Variants in PIEZO1 observed in about 807,000 individuals in gnomAD.
The protein encoded by PIEZO1 is piezo type mechanosensitive ion channel component 1 (Er blood group).
In PIEZO1, 296 loss-of-function variants were observed where a neutral mutation model predicts 297.2. The observed-to-expected ratio is 1.00, with a 90% CI of 0.91 to 1.10. The LOEUF is 1.10. Ranked by LOEUF, PIEZO1 falls within the 50% of genes least tolerant of loss-of-function variation. The pLI, the probability that PIEZO1 is intolerant of heterozygous loss-of-function variation, is 0.00. For synonymous variants in PIEZO1, 2,427 were observed against 1,507.5 expected, an observed-to-expected ratio of 1.61 and a Z score of -14.13; for missense variants, 5,018 against 3,455.5, an observed-to-expected ratio of 1.45 and a Z score of -11.34.
intron 1 of PIEZO1, among the ~76,000 whole-genome samples, chr16:88,757,272 G>A (rs560649874): frequency 1.0e-4 from 15 of 144,752 alleles, no homozygotes; most frequent in East Asian, 4.5e-4. Context: ...AGCTGGCAGC[G>A]CAGCAGCACC....
chr16:88,734,924 T>G lies in PIEZO1; in HGVS notation c.1799A>C (p.Tyr600Ser), dbSNP rs2142820608. ...VVSFAGRLVVYKIVYMFLFLL... is the reference protein window; with the variant it reads ...VVSFAGRLVVSKIVYMFLFLL... ...GAAGAGGAACATGTAGACAATCTTGTAGACCACGAGGCGGCCGGCGAAGCT... is the reference window on the plus strand; with the variant it reads ...GAAGAGGAACATGTAGACAATCTTGGAGACCACGAGGCGGCCGGCGAAGCT... Residue 600 changes from tyrosine (Y) to serine (S), a missense_variant, in exon 14 of 51, where the codon TAC becomes TCC. Tyr to Ser is a moderately radical substitution (Grantham distance 144, BLOSUM62 -2). Transcript: ENST00000301015. 1 of 1,550,402 alleles carries G rather than the reference T, an allele frequency of 6.4e-7. No homozygotes were observed. Among genetic ancestry groups the G allele is most frequent in the Non-Finnish European group, 8.7e-7 (1 of 1,146,964 alleles).
intron 23 of PIEZO1, 48 bp from the exon 24 acceptor site, chr16:88,727,240 G>C: frequency 6.7e-7 from 1 of 1,484,638 alleles, no homozygotes. Flanking sequence ...ACCCACACGA[G>C]GTGGGCACGG....
rs1265455404 is a variant in PIEZO1, at chr16:88,717,136, G to C, written c.6547C>G (p.Leu2183Val). 9 of 1,551,252 alleles carry C rather than the reference G, an allele frequency of 5.8e-6. No homozygotes were observed. Among genetic ancestry groups the C allele is most frequent in the Non-Finnish European group, 7.8e-6 (9 of 1,147,196 alleles). Reference protein sequence around the residue: ...YGMGGLIILFLIAIIWFPLLF... With the variant: ...YGMGGLIILFVIAIIWFPLLF... ...AGTGGGAACCAGATGATGGCGATGA[G>C]GAAGAGGATGATGAGGCCACCCATG... Residue 2183 changes from leucine to valine, a missense_variant, in exon 45 of 51, where the codon CTC (leucine) becomes GTC (valine). Coordinates refer to ENST00000301015, the MANE Select transcript of PIEZO1 (RefSeq NM_001142864.4).
chr16:88,716,392 T>C lies in PIEZO1; in HGVS notation c.7018A>G (p.Ser2340Gly). Residue 2340 changes from serine to glycine, a missense_variant, in exon 48 of 51, where the codon AGC (serine) becomes GGC (glycine). By Grantham distance (56) the Ser-to-Gly change is moderately conservative. Coordinates refer to ENST00000301015, the MANE Select transcript of PIEZO1 (RefSeq NM_001142864.4). ...PNSTARRQLA[S>G]LLEGTSDQSV... Reference sequence around the variant, plus strand: ...TGGTCCGAGGTGCCCTCGAGCAGGCTGGCCAGCTGCCGCCGTGCAGTGCTG... The same window carrying C: ...TGGTCCGAGGTGCCCTCGAGCAGGCCGGCCAGCTGCCGCCGTGCAGTGCTG... 2 of 1,548,024 alleles carry C rather than the reference T, an allele frequency of 1.3e-6. No homozygotes were observed. Among genetic ancestry groups the C allele is most frequent in the Admixed American group, 3.9e-5 (2 of 50,788 alleles).
chr16:88,762,550 C>T (rs771894173), intron 1 of PIEZO1, among the ~76,000 whole-genome samples: 8 of 152,248 alleles, frequency 5.3e-5, no homozygotes, highest in Non-Finnish European at 8.8e-5. Context: ...CCAACCCTGA[C>T]TGCCAAGGGT....
Position 88,721,706 on chromosome 16 carries a change from G to A in PIEZO1, c.5235C>T (p.Tyr1745=), listed in dbSNP as rs888859251. 3 of 1,545,934 alleles carry A rather than the reference G, an allele frequency of 1.9e-6. No homozygotes were observed. Among genetic ancestry groups the A allele is most frequent in the Non-Finnish European group, 2.6e-6 (3 of 1,145,108 alleles). The stretch of plus-strand genomic sequence containing the variant: ...AGGGGAAGAACCCAAACTGGAACAG[G>A]TACTTGACGACCACCGCGATCTGTG... ...VFTEIAVVVK[Y]LFQFGFFPWN... Residue 1745 remains tyrosine, a synonymous_variant, in exon 38 of 51, where the codon TAC becomes TAT. Transcript: ENST00000301015.
rs531840770 is a variant in PIEZO1, at chr16:88,731,892, C to T, written c.3010G>A (p.Val1004Met). ...TTCATGCGCTGCCCGATCACGTTCA[C>T]GGCCATCAGGAAGCAGATCTGGGGA... is the stretch of plus-strand genomic sequence containing the variant. Reference protein sequence around the residue: ...FGLEICFLMAVNVIGQRMNFL... With the variant: ...FGLEICFLMAMNVIGQRMNFL... Residue 1004 changes from valine (V) to methionine (M), a missense_variant, in exon 22 of 51, where the codon GTG (valine) becomes ATG (methionine). By Grantham distance (21) the Val-to-Met change is conservative. Coordinates refer to ENST00000301015, the MANE Select transcript of PIEZO1 (RefSeq NM_001142864.4). 245 of 402,078 alleles carry T rather than the reference C, an allele frequency of 6.1e-4. 2 individuals are homozygous for T. The South Asian group carries it at 7.3e-3, about 12-fold the overall frequency. 24.9% of individuals were successfully genotyped at this position (402,078 alleles called of 1,614,324 possible). A position where few individuals can be genotyped will look rare whatever the true frequency, so the allele number is the denominator to read the frequency against.
intron 19 of PIEZO1, chr16:88,733,066 C>T (rs1597456255): frequency 3.4e-6 from 2 of 595,776 alleles, no homozygotes; most frequent in South Asian, 2.1e-5. Flanking sequence ...TCCGCCCCTA[C>T]TGGACACCCT....
rs1228557570 is a variant in PIEZO1 at position 88,721,694 on chromosome 16, A to C, written c.5247T>G (p.Phe1749Leu). ...IAVVVKYLFQFGFFPWNSHVV... is the reference protein window; with the variant it reads ...IAVVVKYLFQLGFFPWNSHVV... ...CGTGGCTGTTCCAGGGGAAGAACCCAAACTGGAACAGGTACTTGACGACCA... is the reference window on the plus strand; with the variant it reads ...CGTGGCTGTTCCAGGGGAAGAACCCCAACTGGAACAGGTACTTGACGACCA... The change falls in exon 38 of 51, where the codon TTT becomes TTG. Residue 1749 changes from phenylalanine to leucine, a missense_variant. Transcript: ENST00000301015. 1.0e-5 allele frequency: 16 copies of C among 1,548,826 alleles called. No homozygotes were observed. Among genetic ancestry groups the C allele is most frequent in the Admixed American group, 2.0e-5 (1 of 50,958 alleles).
chr16:88,757,969 A>C (rs113403308), intron 1 of PIEZO1, among the ~76,000 whole-genome samples: 9,667 of 152,114 alleles, frequency 0.064, 380 homozygotes, highest in Middle Eastern at 0.099. Context: ...GCCTGGCTGG[A>C]CACCCCTCCG....
At position 88,716,809 on chromosome 16, in the gene PIEZO1, C is replaced by T. The variant is rs1190241831; in HGVS notation, c.6750G>A (p.Gln2250=). ...YEELSRQFDP[Q]PLAMQFISQY... ...TCACAGGGCAGAGGCCACTTACCGG[C>T]TGGGGGTCAAACTGCCGGGACAGCT... The change falls in exon 46 of 51, where the codon CAG becomes CAA. Residue 2250 remains glutamine (Q), a synonymous_variant. Transcript: ENST00000301015. 1.9e-5 allele frequency: 29 copies of T among 1,549,922 alleles called. No homozygotes were observed. The highest frequency in any genetic ancestry group is 2.2e-5 in the Non-Finnish European group (25 of 1,146,964).
chr16:88,746,517 C>G (rs568880969), intron 2 of PIEZO1, among the ~76,000 whole-genome samples: 9 of 152,318 alleles, frequency 5.9e-5, no homozygotes, highest in Non-Finnish European at 8.8e-5. Flanking sequence ...TCCAGCCCCC[C>G]AAGGATCAGG....
At chr16:88,784,493 T>G (rs1908084606) in intron 1 of PIEZO1, among the ~76,000 whole-genome samples, 2 of 151,666 alleles carry the variant, frequency 1.3e-5, no homozygotes, top group African/African-American at 4.8e-5. Context: ...TTTGCGCTTT[T>G]TTTTTTAAAC....
At position 88,738,082 on chromosome 16, in the gene PIEZO1, A is replaced by C. The variant is rs1269334083; in HGVS notation, c.872T>G (p.Val291Gly). The change falls in exon 8 of 51, where the codon GTG becomes GGG. Residue 291 changes from valine (V) to glycine (G), a missense_variant. Transcript: ENST00000301015. ...WARVLGLKDF[V>G]GPTNCSSPHA... is the part of the protein sequence containing the mutation. Reference sequence around the variant, plus strand: ...GGGGCTGGAGCAGTTGGTGGGACCCACGAAGTCCTTGAGACCCAGCACCCT... The same window carrying C: ...GGGGCTGGAGCAGTTGGTGGGACCCCCGAAGTCCTTGAGACCCAGCACCCT... 6.5e-7 allele frequency: 1 copy of C among 1,535,794 alleles called. No homozygotes were observed. The highest frequency in any genetic ancestry group is 2.4e-5 in the East Asian group (1 of 40,900).
rs1912380953 is a variant in PIEZO1 at position 88,720,738 on chromosome 16, G to A, written c.5679C>T (p.Asp1893=). ...RKGAAAIEAE[D]REEEEGEEEK... ...CTTCCTCCCCCTCTTCTTCCTCCCT[G>A]TCCTCAGCTTCTGTAGGGAAAAGCT... Residue 1893 remains aspartate, a synonymous_variant, in exon 40 of 51, where the codon GAC becomes GAT. Transcript: ENST00000301015. The A allele has an allele frequency of 6.6e-6, 10 of 1,504,716 alleles. No homozygotes were observed. The highest frequency in any genetic ancestry group is 8.9e-6 in the Non-Finnish European group (10 of 1,128,062). The allele number at this position is 1,504,716 out of a possible 1,614,324, so 93.2% of individuals were successfully genotyped here. A position where few individuals can be genotyped will look rare whatever the true frequency, so the allele number is the denominator to read the frequency against.
rs868678918 is a variant in PIEZO1 at position 88,738,004 on chromosome 16, C to G, written c.950G>C (p.Gly317Ala). 113 of 1,535,420 alleles carry G rather than the reference C, an allele frequency of 7.4e-5. 3 individuals are homozygous for G. In the Middle Eastern group the frequency reaches 4.3e-3, roughly 59 times the overall value. Residue 317 changes from glycine (G) to alanine (A), a missense_variant, in exon 8 of 51, where the codon GGC becomes GCC. Transcript: ENST00000301015. ...GGCGTAGCACAGCAGCAGGAGGACG[C>G]CGGGGCTGGCATACACAGGCCAGTC... is the stretch of plus-strand genomic sequence containing the variant. ...GLDWPVYASP[G>A]VLLLLCYATA...
At chr16:88,730,493 G>A (rs1020356497) in intron 22 of PIEZO1, among the ~76,000 whole-genome samples, 1 of 151,732 alleles carries the variant, frequency 6.6e-6, no homozygotes, top group African/African-American at 2.4e-5. Flanking sequence ...AGCCACGAGG[G>A]AGGCTGAGAC....
In PIEZO1 at chr16:88,726,266, G is replaced by T; in HGVS notation, c.3968+18C>A. On this transcript the variant is annotated intron_variant, in intron 27 of 50. Transcript: ENST00000301015. ...CCCCAAGACGGGAGCTCTGGGCTGT[G>T]TCTGGGCCCAAGCTTGCCTGGAGGC... The T allele has an allele frequency of 1.3e-6, 2 of 1,541,550 alleles. No homozygotes were observed. Among genetic ancestry groups the T allele is most frequent in the South Asian group, 1.2e-5 (1 of 83,156 alleles).
At chr16:88,723,849 C>T (rs755528684) in intron 31 of PIEZO1, 22 bp downstream of exon 31, 14 of 1,308,950 alleles carry the variant, frequency 1.1e-5, no homozygotes, top group Admixed American at 9.9e-5. Flanking sequence ...GGAGTGGGGC[C>T]GACGGGGCTC....
Sources: allele counts gnomAD v4.1 joint callset (sites outside exome capture counted in the v4.1 genomes callset), GRCh38; gene constraint gnomAD v4.1.1; transcripts MANE v1.5; gene names NCBI Gene and HGNC (gene_info 2026-07-23, HGNC 2026-07-21).